The following CLYBL variants were observed in gnomAD, a reference collection of about 807,000 sequenced individuals.
CLYBL encodes the protein citramalyl-CoA lyase, mitochondrial.
CLYBL carries 31 observed loss-of-function variants against 38.9 expected under a neutral mutation model. That is an observed-to-expected ratio of 0.80 (90% CI 0.60 to 1.08). The LOEUF is 1.08. Among genes scored for constraint, CLYBL ranks in the 50% least tolerant of loss-of-function variants. The probability of loss-of-function intolerance (pLI) is 0.00; values close to 1 mark genes in which losing one functional copy is unlikely to be tolerated. For missense variants in CLYBL, 434 were observed against 411.6 expected (o/e 1.05, Z -0.47); for synonymous variants, 171 against 158.6 (o/e 1.08, Z -0.59).
intron 2 of CLYBL, among the ~76,000 whole-genome samples, chr13:99,791,841 T>G (rs900960496): frequency 6.6e-6 from 1 of 152,334 alleles, no homozygotes. Flanking sequence ...TTACTGGTAT[T>G]GATTATTACC....
At chr13:99,664,065 G>A (rs961922168) in intron 1 of CLYBL, among the ~76,000 whole-genome samples, 20 of 152,182 alleles carry the variant, frequency 1.3e-4, no homozygotes, top group Non-Finnish European at 4.4e-5. Flanking sequence ...AAAAGTCAGT[G>A]GTTCCAGCAT....
intron 1 of CLYBL, among the ~76,000 whole-genome samples, chr13:99,653,685 C>G (rs1594103156): frequency 6.6e-6 from 1 of 151,848 alleles, no homozygotes; most frequent in Non-Finnish European, 1.5e-5. Flanking sequence ...TTTTTTCATC[C>G]TGGCCAGTTA....
chr13:99,830,386 G>A (rs1383079375), intron 2 of CLYBL, among the ~76,000 whole-genome samples: 1 of 152,194 alleles, frequency 6.6e-6, no homozygotes. Context: ...CGCACATAAA[G>A]ATGAGGAGGC....
intron 2 of CLYBL, among the ~76,000 whole-genome samples, chr13:99,774,668 A>G (rs371886692): frequency 1.8e-4 from 28 of 152,356 alleles, no homozygotes; most frequent in African/African-American, 6.5e-4. Context: ...TTTTAAAGAA[A>G]AAATTTAATT....
At chr13:99,684,725 TC>T (rs1197871488) in intron 1 of CLYBL, among the ~76,000 whole-genome samples, 1 of 152,204 alleles carries the variant, frequency 6.6e-6, no homozygotes, top group Non-Finnish European at 1.5e-5. Context: ...AACATAATGA[TC>T]CCCTGTGAAA....
At chr13:99,624,378 C>T (rs941502526) in intron 1 of CLYBL, among the ~76,000 whole-genome samples, 10 of 152,052 alleles carry the variant, frequency 6.6e-5, no homozygotes, top group African/African-American at 2.2e-4. Context: ...TTGACATGAG[C>T]GGGTGGAAAG....
intron 2 of CLYBL, among the ~76,000 whole-genome samples, chr13:99,807,545 G>T (rs958148055): frequency 3.3e-5 from 5 of 152,042 alleles, no homozygotes; most frequent in African/African-American, 9.7e-5. Flanking sequence ...AGAATATTAC[G>T]CTGAGTGAAA....
chr13:99,718,261 C>T (rs1026086420), intron 1 of CLYBL, among the ~76,000 whole-genome samples: 2 of 151,708 alleles, frequency 1.3e-5, no homozygotes, highest in African/African-American at 4.8e-5. Context: ...TGAAAAGGGG[C>T]ATGGGCTTTT....
rs562756765 is a variant in CLYBL at position 99,688,345 on chromosome 13, A to G, written c.62+81588A>G. On this transcript the variant is annotated intron_variant, in intron 1 of 8. Transcript: ENST00000339105. ...GGGAGCGATTAAAAGTGAGAAAAATATTAGTATATATTTGTAAACTGAGCT... is the reference window on the plus strand; with the variant it reads ...GGGAGCGATTAAAAGTGAGAAAAATGTTAGTATATATTTGTAAACTGAGCT... Among the ~76,000 whole-genome samples the G allele has an allele frequency of 2.6e-5, 4 of 152,246 alleles. 1 individual carries two copies. The highest frequency in any genetic ancestry group is 9.6e-5 in the African/African-American group (4 of 41,550).
At chr13:99,697,101 A>G (rs2793737) in intron 1 of CLYBL, among the ~76,000 whole-genome samples, 152,286 of 152,312 alleles carry the variant, frequency 1, 76,130 homozygotes, top group Non-Finnish European at 1. Context: ...CTTAGTTGAT[A>G]TTTGGGGTGT....
chr13:99,752,940 A>G (rs1386431572), intron 1 of CLYBL, among the ~76,000 whole-genome samples: 1 of 149,828 alleles, frequency 6.7e-6, no homozygotes, highest in Non-Finnish European at 1.5e-5. Flanking sequence ...AAAGCCAATA[A>G]TTCATTTCAA....
chr13:99,885,133 G>A (rs959772450), intron 7 of CLYBL: 5 of 523,826 alleles, frequency 9.5e-6, no homozygotes, highest in Admixed American at 2.0e-5. Flanking sequence ...CCTCCCCACA[G>A]GGGCCTCACA....
intron 3 of CLYBL, among the ~76,000 whole-genome samples, chr13:99,861,612 A>G (rs1055149235): frequency 2.0e-5 from 3 of 152,184 alleles, no homozygotes; most frequent in African/African-American, 7.2e-5. Flanking sequence ...TGGTTGAGTT[A>G]TTCCTTCCCT....
At chr13:99,687,585 G>A (rs949470471) in intron 1 of CLYBL, among the ~76,000 whole-genome samples, 2 of 152,140 alleles carry the variant, frequency 1.3e-5, no homozygotes, top group Non-Finnish European at 2.9e-5. Flanking sequence ...GTGAATGGTA[G>A]GCTAAATGAG....
chr13:99,633,233 AAAGAG>A (rs1426624441), intron 1 of CLYBL, among the ~76,000 whole-genome samples: 43 of 147,512 alleles, frequency 2.9e-4, no homozygotes, highest in African/African-American at 1.0e-3. Context: ...AAAAAAAAAA[AAAGAG>A]AAGAGAAGAA....
At chr13:99,724,604 C>A (rs866201707) in intron 1 of CLYBL, among the ~76,000 whole-genome samples, 37 of 152,126 alleles carry the variant, frequency 2.4e-4, no homozygotes, top group African/African-American at 8.9e-4. Flanking sequence ...ACCAGCTCCT[C>A]TCTGCATTTA....
At chr13:99,724,512 G>A (rs184491968) in intron 1 of CLYBL, among the ~76,000 whole-genome samples, 1 of 151,710 alleles carries the variant, frequency 6.6e-6, no homozygotes, top group Non-Finnish European at 1.5e-5. Context: ...AGCAATTAAT[G>A]GCAGCTCCGA....
In CLYBL at chr13:99,700,950, C is replaced by T. The variant is rs575815725; in HGVS notation, c.63-71874C>T. The stretch of plus-strand genomic sequence containing the variant: ...TCTCTGATTGTCAAGATTTCTTCGT[C>T]GATGTCAGTTTTCCAGTGTGAATTT... On this transcript the variant is annotated intron_variant, in intron 1 of 8. Transcript: ENST00000339105. Among the ~76,000 whole-genome samples, 22 of 152,196 alleles carry T rather than the reference C, an allele frequency of 1.4e-4. No homozygotes were observed. In the South Asian group the frequency reaches 4.4e-3, roughly 30 times the overall value.
chr13:99,746,353 CTATT>C (rs1245052369), intron 1 of CLYBL, among the ~76,000 whole-genome samples: 1 of 91,726 alleles, frequency 1.1e-5, no homozygotes, highest in Non-Finnish European at 2.4e-5. Context: ...GCTTTAAATA[CTATT>C]TTTTTTTTTT....
Sources: allele counts gnomAD v4.1 joint callset (sites outside exome capture counted in the v4.1 genomes callset), GRCh38; gene constraint gnomAD v4.1.1; transcripts MANE v1.5; gene names NCBI Gene and HGNC (gene_info 2026-07-23, HGNC 2026-07-21).